LDLRAD3: variants seen among roughly 807,000 people sequenced by gnomAD.
LDLRAD3 encodes low-density lipoprotein receptor class A domain-containing protein 3.
LDLRAD3 carries 20 observed loss-of-function variants against 29.4 expected under a neutral mutation model. That is an observed-to-expected ratio of 0.68 (90% CI 0.48 to 0.99). The LOEUF (loss-of-function observed/expected upper bound fraction) is 0.99. LDLRAD3 is among the 50% of genes least tolerant of loss of function. The pLI is 0.00. For missense variants in LDLRAD3, 420 were observed against 454.3 expected (o/e 0.92, Z 0.69); for synonymous variants, 157 against 192.7 (o/e 0.81, Z 1.53).
At chr11:36,143,976 C>G (rs1302516488) in intron 4 of LDLRAD3, among the ~76,000 whole-genome samples, 2 of 140,810 alleles carry the variant, frequency 1.4e-5, no homozygotes, top group Admixed American at 7.5e-5. Context: ...CCTCTGATGC[C>G]GAGCCGAAGC....
chr11:36,187,279 A>G (rs2133362288), intron 4 of LDLRAD3, among the ~76,000 whole-genome samples: 1 of 152,332 alleles, frequency 6.6e-6, no homozygotes, highest in African/African-American at 2.4e-5. Flanking sequence ...AGTTGTTTTC[A>G]GTTCCCCAGA....
chr11:36,182,898 A>G (rs34972611), intron 4 of LDLRAD3, among the ~76,000 whole-genome samples: 5,944 of 152,306 alleles, frequency 0.039, 383 homozygotes, highest in African/African-American at 0.13. Flanking sequence ...TGTTAAACAC[A>G]TGCAGAGCCT....
chr11:36,210,053 G>A (rs1855263060), intron 4 of LDLRAD3, among the ~76,000 whole-genome samples: 1 of 152,126 alleles, frequency 6.6e-6, no homozygotes, highest in Non-Finnish European at 1.5e-5. Flanking sequence ...TGCATATTTT[G>A]CCTATTCAAA....
intron 4 of LDLRAD3, among the ~76,000 whole-genome samples, chr11:36,156,211 C>A (rs770704737): frequency 3.3e-5 from 5 of 152,160 alleles, no homozygotes; most frequent in Non-Finnish European, 7.3e-5. Context: ...TAAAAAAGAC[C>A]GCCAGTAGTT....
intron 1 of LDLRAD3, among the ~76,000 whole-genome samples, chr11:36,034,385 A>C (rs115638428): frequency 1.2e-4 from 18 of 152,122 alleles, no homozygotes; most frequent in African/African-American, 4.3e-4. Context: ...GTGGCAATGG[A>C]GAGTCGGGGA....
chr11:36,203,325 C>A (rs1855155259), intron 4 of LDLRAD3, among the ~76,000 whole-genome samples: 1 of 152,196 alleles, frequency 6.6e-6, no homozygotes, highest in African/African-American at 2.4e-5. Context: ...TCATGAGATG[C>A]ATGCTCTTAT....
chr11:36,025,569 T>G (rs1263040864), intron 1 of LDLRAD3, among the ~76,000 whole-genome samples: 10 of 151,890 alleles, frequency 6.6e-5, no homozygotes, highest in African/African-American at 2.4e-4. Flanking sequence ...TTTGTATTTT[T>G]TAGTAGAGAC....
chr11:36,149,836 C>T (rs544804363), intron 4 of LDLRAD3, among the ~76,000 whole-genome samples: 44 of 152,286 alleles, frequency 2.9e-4, no homozygotes, highest in African/African-American at 8.4e-4. Context: ...GTCTGTTCCT[C>T]ATGACTCATG....
intron 4 of LDLRAD3, among the ~76,000 whole-genome samples, chr11:36,126,568 G>A (rs75531876): frequency 0.022 from 3,396 of 152,264 alleles, 124 homozygotes; most frequent in African/African-American, 0.078. Context: ...GTTGTTGGCT[G>A]TGCCTTTGGG....
At position 36,036,164 on chromosome 11, in the gene LDLRAD3, G is replaced by T. The variant is rs1852301719; in HGVS notation, c.108G>T (p.Met36Ile). 1 of 1,614,072 alleles carries T rather than the reference G, an allele frequency of 6.2e-7. No individual in the cohort carries two copies. The highest frequency in any genetic ancestry group is 1.7e-5 in the Admixed American group (1 of 60,010). ...TNECNIPGNFMCSNGRCIPGA... is the reference protein window; with the variant it reads ...TNECNIPGNFICSNGRCIPGA... ...AGTGCAACATACCAGGCAACTTCATGTGCAGCAATGGACGGTGCATCCCGG... is the reference window on the plus strand; with the variant it reads ...AGTGCAACATACCAGGCAACTTCATTTGCAGCAATGGACGGTGCATCCCGG... The change falls in exon 2 of 6, where the codon ATG becomes ATT. Residue 36 changes from methionine (M) to isoleucine (I), a missense_variant. Coordinates refer to ENST00000315571, the MANE Select transcript of LDLRAD3 (RefSeq NM_174902.4).
At chr11:36,023,208 G>A (rs939558938) in intron 1 of LDLRAD3, among the ~76,000 whole-genome samples, 2 of 152,206 alleles carry the variant, frequency 1.3e-5, no homozygotes, top group Admixed American at 1.3e-4. Flanking sequence ...CCAATCAGAA[G>A]TGATAAGCCA....
chr11:36,229,613 AGG>A lies in LDLRAD3; in HGVS notation c.*217_*218del. On this transcript the variant is annotated 3_prime_UTR_variant, in exon 6 of 6. Transcript: ENST00000315571. ...TGATCTGTTGTGCGTCTTTTCTGTCAGGTCACTCTTCCCTTGGGACCCGAGAT... is the reference window on the plus strand; with the variant it reads ...TGATCTGTTGTGCGTCTTTTCTGTCATCACTCTTCCCTTGGGACCCGAGAT... 4.5e-6 allele frequency: 2 copies of A among 447,558 alleles called. No homozygotes were observed. Among genetic ancestry groups the A allele is most frequent in the Non-Finnish European group, 3.9e-6 (1 of 253,844 alleles). The allele number at this position is 447,558 out of a possible 1,614,324, so 27.7% of individuals were successfully genotyped here.
intron 1 of LDLRAD3, among the ~76,000 whole-genome samples, chr11:35,952,946 C>T (rs1185468894): frequency 1.3e-5 from 2 of 152,114 alleles, no homozygotes; most frequent in Non-Finnish European, 2.9e-5. Flanking sequence ...AAATAATTGG[C>T]CCCATCTTGT....
At chr11:36,078,207 G>A (rs57310892) in intron 2 of LDLRAD3, among the ~76,000 whole-genome samples, 1,792 of 152,272 alleles carry the variant, frequency 0.012, 39 homozygotes, top group African/African-American at 0.042. Context: ...TCCAGTCTGC[G>A]GGACCCACAG....
chr11:35,999,102 G>A (rs2133175665), intron 1 of LDLRAD3, among the ~76,000 whole-genome samples: 1 of 152,310 alleles, frequency 6.6e-6, no homozygotes, highest in African/African-American at 2.4e-5. Flanking sequence ...ACGAAACATC[G>A]ATTGGGCACC....
chr11:36,128,134 ATG>A lies in LDLRAD3; in HGVS notation c.454+29675_454+29676del, dbSNP rs201366255. On this transcript the variant is annotated intron_variant, in intron 4 of 5. Transcript: ENST00000315571. ...TGTTTTTACATATATATATATATAT[ATG>A]TATATGACATGTAGGCAATTAAACT... is the stretch of plus-strand genomic sequence containing the variant. 1.4e-4 allele frequency among the ~76,000 whole-genome samples: 17 copies of A among 121,894 alleles called. 3 individuals are homozygous for A. The East Asian group carries it at 3.7e-3, about 26-fold the overall frequency. 80.0% of individuals were successfully genotyped at this position (121,894 alleles called of 152,430 possible).
chr11:36,134,354 A>C (rs2133309129), intron 4 of LDLRAD3, among the ~76,000 whole-genome samples: 1 of 152,356 alleles, frequency 6.6e-6, no homozygotes, highest in Admixed American at 6.5e-5. Flanking sequence ...GATATTAATA[A>C]GCACTTTTAT....
intron 4 of LDLRAD3, among the ~76,000 whole-genome samples, chr11:36,225,907 A>G (rs1026082998): frequency 3.3e-5 from 5 of 152,000 alleles, no homozygotes; most frequent in African/African-American, 1.2e-4. Context: ...CCCCATCTCT[A>G]AAACACTAAA....
chr11:36,042,763 C>A (rs185884649), intron 2 of LDLRAD3, among the ~76,000 whole-genome samples: 37 of 152,252 alleles, frequency 2.4e-4, no homozygotes, highest in Non-Finnish European at 3.8e-4. Flanking sequence ...GAAATATGTA[C>A]AGAGGGAAGA....
Sources: allele counts gnomAD v4.1 joint callset (sites outside exome capture counted in the v4.1 genomes callset), GRCh38; gene constraint gnomAD v4.1.1; transcripts MANE v1.5; gene names NCBI Gene and HGNC (gene_info 2026-07-23, HGNC 2026-07-21).